Variants in NEO1 observed in about 807,000 individuals in gnomAD.
NEO1 encodes the protein neogenin.
NEO1 carries 63 observed loss-of-function variants against 159.7 expected under a neutral mutation model. That is an observed-to-expected ratio of 0.39 (90% CI 0.32 to 0.49). The LOEUF (loss-of-function observed/expected upper bound fraction) is 0.49, where lower values mean the gene tolerates loss of function less well. Among genes scored for constraint, NEO1 ranks in the 20% least tolerant of loss-of-function variants. The pLI is 0.85. For missense variants in NEO1, 1,615 were observed against 1,831.0 expected, an observed-to-expected ratio of 0.88 and a Z score of 2.15; for synonymous variants, 633 against 662.0, an observed-to-expected ratio of 0.96 and a Z score of 0.67.
intron 4 of NEO1, among the ~76,000 whole-genome samples, chr15:73,135,583 G>A (rs542054420): frequency 2.6e-4 from 39 of 152,310 alleles, no homozygotes; most frequent in Non-Finnish European, 5.3e-4. Context: ...AGAATAGGGA[G>A]ACAGGGATGG....
intron 5 of NEO1, among the ~76,000 whole-genome samples, chr15:73,136,665 C>T (rs1053634728): frequency 6.6e-6 from 1 of 152,068 alleles, no homozygotes; most frequent in African/African-American, 2.4e-5. Context: ...TCCTTTTTCT[C>T]CTACTCTTCC....
intron 15 of NEO1, among the ~76,000 whole-genome samples, chr15:73,265,022 G>A (rs529922991): frequency 2.1e-4 from 32 of 152,308 alleles, no homozygotes; most frequent in African/African-American, 6.7e-4. Context: ...ATGAATAGGC[G>A]CTTACCTAGG....
intron 7 of NEO1, among the ~76,000 whole-genome samples, chr15:73,229,546 G>A (rs2150813486): frequency 6.6e-6 from 1 of 150,798 alleles, no homozygotes; most frequent in East Asian, 1.9e-4. Context: ...TTTCCCATCA[G>A]TATTTCCTTT....
At chr15:73,264,520 A>G (rs1567639859) in intron 15 of NEO1, among the ~76,000 whole-genome samples, 1 of 152,206 alleles carries the variant, frequency 6.6e-6, no homozygotes, top group Non-Finnish European at 1.5e-5. Flanking sequence ...AATTTATTAG[A>G]AAATGGAGTG....
intron 27 of NEO1, among the ~76,000 whole-genome samples, chr15:73,300,624 G>A (rs1337206457): frequency 1.3e-5 from 2 of 152,132 alleles, no homozygotes; most frequent in African/African-American, 4.8e-5. Context: ...CCAGCTACTC[G>A]GGAGGCTGAG....
chr15:73,094,591 CAATT>C (rs1247845760), intron 1 of NEO1, among the ~76,000 whole-genome samples: 4 of 152,144 alleles, frequency 2.6e-5, no homozygotes, highest in African/African-American at 9.7e-5. Flanking sequence ...AGTATCTACA[CAATT>C]GATTGGTATA....
intron 1 of NEO1, among the ~76,000 whole-genome samples, chr15:73,079,568 CTCTT>C (rs1022992949): frequency 2.6e-5 from 4 of 152,080 alleles, no homozygotes; most frequent in Non-Finnish European, 2.9e-5. Context: ...ATAAATGTCT[CTCTT>C]TATTTTTTGT....
chr15:73,107,649 T>G (rs1048033276), intron 1 of NEO1, among the ~76,000 whole-genome samples: 1 of 152,226 alleles, frequency 6.6e-6, no homozygotes, highest in Non-Finnish European at 1.5e-5. Context: ...ATGGTGGTAG[T>G]TGAATATTAC....
chr15:73,274,631 C>G (rs2041320767), intron 20 of NEO1, 61 bp from the exon 21 acceptor site: 1 of 1,550,566 alleles, frequency 6.4e-7, no homozygotes, highest in Non-Finnish European at 8.8e-7. Context: ...TCTGCCTGTC[C>G]CATCTTCAAA....
intron 14 of NEO1, among the ~76,000 whole-genome samples, chr15:73,260,065 G>A (rs2040549350): frequency 8.0e-6 from 1 of 125,454 alleles, no homozygotes; most frequent in Non-Finnish European, 1.7e-5. Flanking sequence ...AGCTGTTCAG[G>A]TCTTTTTTTT....
At chr15:73,169,600 CTG>C (rs957533367) in intron 5 of NEO1, among the ~76,000 whole-genome samples, 5 of 145,692 alleles carry the variant, frequency 3.4e-5, no homozygotes, top group Non-Finnish European at 7.5e-5. Context: ...CTGTGAAAGT[CTG>C]TTTACTAAAA....
chr15:73,091,401 G>T (rs902396046), intron 1 of NEO1, among the ~76,000 whole-genome samples: 1 of 151,830 alleles, frequency 6.6e-6, no homozygotes, highest in African/African-American at 2.4e-5. Context: ...TTCCAATCGG[G>T]TTTCATTATT....
intron 19 of NEO1, among the ~76,000 whole-genome samples, chr15:73,272,951 C>G (rs1247422046): frequency 7.6e-6 from 1 of 130,828 alleles, no homozygotes; most frequent in Non-Finnish European, 1.6e-5. Flanking sequence ...AGATTCTGCT[C>G]TTGTACCCTG....
At chr15:73,192,000 C>CT (rs2036260546) in intron 7 of NEO1, among the ~76,000 whole-genome samples, 1 of 151,928 alleles carries the variant, frequency 6.6e-6, no homozygotes, top group African/African-American at 2.4e-5. Context: ...GATGAAACAG[C>CT]TAACAAGCAG....
chr15:73,265,054 GACCC>G (rs1347537953), intron 15 of NEO1, among the ~76,000 whole-genome samples: 1 of 152,172 alleles, frequency 6.6e-6, no homozygotes, highest in Non-Finnish European at 1.5e-5. Context: ...AGTGGGATGT[GACCC>G]CAGCATAGGG....
chr15:73,196,266 T>C (rs1474528067), intron 7 of NEO1, among the ~76,000 whole-genome samples: 1 of 152,256 alleles, frequency 6.6e-6, no homozygotes. Flanking sequence ...AAAACATCTC[T>C]CTTGCACGCA....
intron 26 of NEO1, among the ~76,000 whole-genome samples, chr15:73,295,039 G>A (rs1470653565): frequency 6.6e-6 from 1 of 150,658 alleles, no homozygotes; most frequent in African/African-American, 2.4e-5. Context: ...AGCACTTTGG[G>A]TGGCTGAGGC....
chr15:73,255,679 G>A (rs2040304883), intron 13 of NEO1: 1 of 152,220 alleles, frequency 6.6e-6, no homozygotes, highest in Non-Finnish European at 1.5e-5. Context: ...TCCTTTATTA[G>A]TTTAGCAGTG....
At chr15:73,209,802 G>T (rs2037448934) in intron 7 of NEO1, among the ~76,000 whole-genome samples, 2 of 151,986 alleles carry the variant, frequency 1.3e-5, no homozygotes, top group African/African-American at 4.8e-5. Context: ...GACCAGCCTG[G>T]CCAACATGGT....
Sources: allele counts gnomAD v4.1 joint callset (sites outside exome capture counted in the v4.1 genomes callset), GRCh38; gene constraint gnomAD v4.1.1; transcripts MANE v1.5; gene names NCBI Gene and HGNC (gene_info 2026-07-23, HGNC 2026-07-21).